EXTL3: variants seen among roughly 807,000 people sequenced by gnomAD.
EXTL3 encodes the protein exostosin-like 3.
In EXTL3, 27 loss-of-function variants were observed where a neutral mutation model predicts 69.3. The ratio of observed to expected loss-of-function variants is 0.39; its 90% CI spans 0.29 to 0.54. The LOEUF is 0.54. Ranked by LOEUF, EXTL3 falls within the 20% of genes least tolerant of loss-of-function variation. The pLI is 0.69. For missense variants in EXTL3, 1,003 were observed against 1,231.8 expected (o/e 0.81, Z 2.78); for synonymous variants, 511 against 499.4 (o/e 1.02, Z -0.31).
Position 28,750,844 on chromosome 8 carries a change from C to G in EXTL3, c.2738C>G (p.Thr913Ser). The change falls in exon 7 of 7, where the codon ACC becomes AGC. Residue 913 changes from threonine (T) to serine (S), a missense_variant. Around this residue, in one of 2 missense-constraint regions of EXTL3, gnomAD observed 261 missense variants for 416.4 expected, o/e 0.63. Coordinates refer to ENST00000220562, the MANE Select transcript of EXTL3 (RefSeq NM_001440.4). This position sits in a 1 kb window ranked among gnomAD's most constrained non-coding sequence, Gnocchi z 5.2. ...LFKTRLPHDK[T>S]KCFKFI is the part of the protein sequence containing the mutation. ...AAGACACGCCTGCCCCATGACAAGACCAAGTGCTTCAAGTTCATCTAGGGG... is the reference window on the plus strand; with the variant it reads ...AAGACACGCCTGCCCCATGACAAGAGCAAGTGCTTCAAGTTCATCTAGGGG... The G allele has an allele frequency of 6.2e-7, 1 of 1,614,126 alleles. No homozygotes were observed. Among genetic ancestry groups the G allele is most frequent in the South Asian group, 1.1e-5 (1 of 91,088 alleles).
intron 1 of EXTL3, among the ~76,000 whole-genome samples, chr8:28,655,910 T>C (rs1807002887): frequency 1.3e-5 from 2 of 152,042 alleles, no homozygotes; most frequent in South Asian, 4.2e-4. Context: ...AGGACAGTAG[T>C]TGAGAGAGAG....
At chr8:28,637,517 CAG>C (rs1174647166) in intron 1 of EXTL3, 1 of 152,166 alleles carries the variant, frequency 6.6e-6, no homozygotes, top group East Asian at 1.9e-4. Context: ...TCGATTGAGT[CAG>C]TATGATAGTG....
chr8:28,702,686 ACAC>A (rs1800837128), intron 1 of EXTL3, among the ~76,000 whole-genome samples: 1 of 151,634 alleles, frequency 6.6e-6, no homozygotes, highest in Non-Finnish European at 1.5e-5. Flanking sequence ...GAAGCGCAGA[ACAC>A]CACAACATGT....
In EXTL3 at chr8:28,708,298, A is replaced by G. The variant is rs561201454; in HGVS notation, c.-569-5159A>G. The stretch of plus-strand genomic sequence containing the variant: ...TTTTTTCATCCAGGCTAGGTTACAC[A>G]GTAAGAAACCACTGTGGTCGTTGGA... On this transcript the variant is annotated intron_variant, in intron 1 of 6. Coordinates refer to ENST00000220562, the MANE Select transcript of EXTL3 (RefSeq NM_001440.4). Among the ~76,000 whole-genome samples the G allele has an allele frequency of 5.9e-5, 9 of 152,280 alleles. No individual in the cohort carries two copies. In the East Asian group the frequency reaches 1.2e-3, roughly 20 times the overall value.
intron 1 of EXTL3, among the ~76,000 whole-genome samples, chr8:28,663,227 C>G (rs1051873865): frequency 1.3e-5 from 2 of 152,006 alleles, no homozygotes; most frequent in African/African-American, 4.8e-5. Context: ...GGTTTGGTGC[C>G]CCAGGAAACA....
At position 28,718,236 on chromosome 8, in the gene EXTL3, G is replaced by A. The variant is rs750798500; in HGVS notation, c.2148+29G>A. ...ATAGAGAAACGAACAGTTCGTTTTGGTGCATGAAATAGTATTTCACTCTTA... is the reference window on the plus strand; with the variant it reads ...ATAGAGAAACGAACAGTTCGTTTTGATGCATGAAATAGTATTTCACTCTTA... On this transcript the variant is annotated intron_variant, in intron 3 of 6. Transcript: ENST00000220562. 2.5e-6 allele frequency: 4 copies of A among 1,600,108 alleles called. No homozygotes were observed. In the South Asian group the frequency reaches 4.4e-5, roughly 18 times the overall value.
chr8:28,721,009 A>G (rs985764266), intron 3 of EXTL3, among the ~76,000 whole-genome samples: 3 of 152,172 alleles, frequency 2.0e-5, no homozygotes, highest in African/African-American at 7.2e-5. Flanking sequence ...TTCTGAGGAT[A>G]TATCAGTGGT....
At chr8:28,738,487 G>A (rs1446182984) in intron 5 of EXTL3, among the ~76,000 whole-genome samples, 1 of 152,178 alleles carries the variant, frequency 6.6e-6, no homozygotes, top group Non-Finnish European at 1.5e-5. Flanking sequence ...TTTTAACGAT[G>A]TAGCTTCTAG....
upstream of EXTL3, chr8:28,697,925 T>G (rs1800710937): frequency 6.7e-6 from 1 of 150,240 alleles, no homozygotes; most frequent in Admixed American, 6.6e-5. Flanking sequence ...GTAGAGATAA[T>G]AAGTGCTGTA....
At chr8:28,642,430 A>G (rs1486000998) in intron 1 of EXTL3, among the ~76,000 whole-genome samples, 1 of 144,322 alleles carries the variant, frequency 6.9e-6, no homozygotes, top group East Asian at 2.1e-4. Flanking sequence ...TGGGTGACAG[A>G]GCGAAACACT....
intron 1 of EXTL3, among the ~76,000 whole-genome samples, chr8:28,686,159 C>G (rs1807573979): frequency 6.6e-6 from 1 of 152,054 alleles, no homozygotes; most frequent in Non-Finnish European, 1.5e-5. Context: ...AGCCACGGTG[C>G]CTGGCCTATG....
intron 1 of EXTL3, among the ~76,000 whole-genome samples, chr8:28,702,680 C>A (rs1380480480): frequency 6.6e-6 from 1 of 151,234 alleles, no homozygotes; most frequent in Non-Finnish European, 1.5e-5. Flanking sequence ...GAGGAGGAAG[C>A]GCAGAACACC....
chr8:28,624,951 T>C (rs536365412), intron 1 of EXTL3, among the ~76,000 whole-genome samples: 2 of 152,340 alleles, frequency 1.3e-5, no homozygotes, highest in African/African-American at 4.8e-5. Flanking sequence ...CAACTGTGAA[T>C]ACACACACGT....
In EXTL3 at chr8:28,716,782, A is replaced by G; in HGVS notation, c.723A>G (p.Leu241=). The G allele has an allele frequency of 6.2e-7, 1 of 1,614,238 alleles. No individual in the cohort carries two copies. The highest frequency in any genetic ancestry group is 8.5e-7 in the Non-Finnish European group (1 of 1,180,048). Residue 241 remains leucine, a synonymous_variant, in exon 3 of 7, where the codon CTA becomes CTG. Coordinates refer to ENST00000220562, the MANE Select transcript of EXTL3 (RefSeq NM_001440.4). This position sits in a 1 kb window ranked among gnomAD's most constrained non-coding sequence, Gnocchi z 7.1. ...NADIACLYVI[L]VGEMQEPVVL... ...ACATCGCCTGCCTTTACGTGATACT[A>G]GTGGGAGAGATGCAGGAGCCGGTGG...
chr8:28,701,493 G>T, upstream of EXTL3: 1 of 152,404 alleles, frequency 6.6e-6, no homozygotes, highest in South Asian at 1.9e-4. Context: ...GGCGCCCTTC[G>T]GCAAGTTCCG....
At chr8:28,724,548 G>A (rs142229870) in intron 3 of EXTL3, among the ~76,000 whole-genome samples, 3,498 of 151,078 alleles carry the variant, frequency 0.023, 71 homozygotes, top group Non-Finnish European at 0.038. Flanking sequence ...TGGGTGGATC[G>A]CGAGGTCAGG....
chr8:28,697,482 G>GGTA (rs1158572854), upstream of EXTL3: 1 of 152,182 alleles, frequency 6.6e-6, no homozygotes, highest in East Asian at 1.9e-4. Context: ...CCTGCTGCTG[G>GGTA]GTACCAAAGG....
intron 1 of EXTL3, among the ~76,000 whole-genome samples, chr8:28,658,054 C>T (rs973831966): frequency 2.0e-5 from 3 of 152,212 alleles, no homozygotes; most frequent in African/African-American, 7.2e-5. Context: ...CTGGCTGATG[C>T]AGGGGCACCG....
intron 1 of EXTL3, among the ~76,000 whole-genome samples, chr8:28,634,646 A>G (rs564939982): frequency 6.9e-6 from 1 of 144,052 alleles, no homozygotes; most frequent in Non-Finnish European, 1.5e-5. Flanking sequence ...CCCAGGCTGG[A>G]GTGCAGTGGC....
Sources: gnomAD v4.1 joint callset for allele counts (sites outside exome capture counted in the v4.1 genomes callset) on GRCh38, gnomAD v4.1.1 for gene constraint, gnomAD v4.1.1 regional missense constraint, Gnocchi (gnomAD v3.1) non-coding constraint, MANE v1.5 for transcripts, NCBI Gene and HGNC (gene_info 2026-07-23, HGNC 2026-07-21) for gene names.